The following KNG1 variants were observed in gnomAD, a reference collection of about 807,000 sequenced individuals.
KNG1 encodes kininogen-1.
In KNG1, 23 loss-of-function variants were observed where a neutral mutation model predicts 47.8. The ratio of observed to expected loss-of-function variants is 0.48; its 90% CI spans 0.35 to 0.68. The LOEUF (loss-of-function observed/expected upper bound fraction) is 0.68, where lower values mean the gene tolerates loss of function less well. KNG1 is among the 30% of genes least tolerant of loss of function. KNG1 has a pLI of 0.01. For synonymous variants in KNG1, 277 were observed against 277.0 expected, an observed-to-expected ratio of 1.00 and a Z score of 0.00; for missense variants, 762 against 790.2, an observed-to-expected ratio of 0.96 and a Z score of 0.43.
chr3:186,732,367 C>A, intron 6 of KNG1, 135 bp from the exon 7 acceptor site: 1 of 768,278 alleles, frequency 1.3e-6, no homozygotes, highest in Non-Finnish European at 2.3e-6. Context: ...GACAGACAAC[C>A]TTCCCCCACT....
intron 4 of KNG1, among the ~76,000 whole-genome samples, chr3:186,725,542 G>GCTTTTTTTTTTTTTTT (rs1560063426): frequency 4.0e-5 from 3 of 75,020 alleles, no homozygotes; most frequent in South Asian, 4.2e-4. Context: ...CCGGCCTTAG[G>GCTTTTTTTTTTTTTTT]ATTTTTTTTT....
At position 186,730,151 on chromosome 3, in the gene KNG1, TTG is replaced by T. The variant is rs1720474661; in HGVS notation, c.673-1392_673-1391del. ...ATATGGAATTCTCATTTTTGTTATTTTGTTTTTTTTTTCCTTATCCAAGAAAG... is the reference window on the plus strand; with the variant it reads ...ATATGGAATTCTCATTTTTGTTATTTTTTTTTTTTTCCTTATCCAAGAAAG... On this transcript the variant is annotated intron_variant, in intron 5 of 9. Coordinates refer to ENST00000644859, the MANE Select transcript of KNG1 (RefSeq NM_001102416.3). Among the ~76,000 whole-genome samples the T allele has an allele frequency of 5.6e-5, 7 of 124,340 alleles. No homozygotes were observed. The South Asian group carries it at 1.9e-3, about 35-fold the overall frequency. 81.6% of individuals were successfully genotyped at this position (124,340 alleles called of 152,430 possible). A position where few individuals can be genotyped will look rare whatever the true frequency, so the allele number is the denominator to read the frequency against.
At chr3:186,723,691 G>A (rs923469436) in intron 3 of KNG1, among the ~76,000 whole-genome samples, 5 of 150,704 alleles carry the variant, frequency 3.3e-5, no homozygotes, top group Admixed American at 3.3e-4. Context: ...GTCTCGCACT[G>A]TCGCCCAGGC....
At chr3:186,725,061 C>T (rs200328706) in intron 3 of KNG1, 27 bp from the exon 4 acceptor site, 469 of 1,612,872 alleles carry the variant, frequency 2.9e-4, no homozygotes, top group Non-Finnish European at 4.5e-5. Flanking sequence ...ATCATTAATG[C>T]TGTGTTTTTG....
intron 7 of KNG1, chr3:186,738,853 A>T: frequency 2.5e-6 from 1 of 402,886 alleles, no homozygotes; most frequent in Non-Finnish European, 4.6e-6. Flanking sequence ...TCTCAAAAAA[A>T]AAAAATAAAG....
intron 2 of KNG1, chr3:186,721,100 G>C (rs1296130695): frequency 1.3e-5 from 2 of 152,042 alleles, no homozygotes; most frequent in East Asian, 3.8e-4. Context: ...TGGTTGTTTT[G>C]CTTTAATTAA....
chr3:186,724,582 C>A (rs1463737994), intron 3 of KNG1, among the ~76,000 whole-genome samples: 1 of 152,038 alleles, frequency 6.6e-6, no homozygotes, highest in Non-Finnish European at 1.5e-5. Flanking sequence ...AGATCATTTG[C>A]CCACTTTTTA....
At chr3:186,730,668 AAAAAAAAAAAAAAAAATATATATATAT>A (rs1225610622) in intron 5 of KNG1, among the ~76,000 whole-genome samples, 9,642 of 72,210 alleles carry the variant, frequency 0.13, 288 homozygotes, top group African/African-American at 0.18. Flanking sequence ...AAAAAAAAAA[AAAAAAAAAAAAAAAAATATATATATAT>A]ATATATATAT....
chr3:186,742,958 G>A lies in KNG1; in HGVS notation c.*627G>A. The A allele has an allele frequency of 1.0e-6, 1 of 984,334 alleles. No individual in the cohort carries two copies. The highest frequency in any genetic ancestry group is 1.7e-5 in the African/African-American group (1 of 57,296). 61.0% of individuals were successfully genotyped at this position (984,334 alleles called of 1,614,324 possible). A position where few individuals can be genotyped will look rare whatever the true frequency, so the allele number is the denominator to read the frequency against. On this transcript the variant is annotated 3_prime_UTR_variant, in exon 10 of 10. Coordinates refer to ENST00000644859, the MANE Select transcript of KNG1 (RefSeq NM_001102416.3). Reference sequence around the variant, plus strand: ...AAAGTAACAAGAAAGAAGACAGGTTGGCCAAAGGGAGGAAAGGGGGGACAT... The same window carrying A: ...AAAGTAACAAGAAAGAAGACAGGTTAGCCAAAGGGAGGAAAGGGGGGACAT...
rs943529053 is a variant in KNG1, at chr3:186,739,394, A to C, written c.1105A>C (p.Asn369His). 1 of 1,610,908 alleles carries C rather than the reference A, an allele frequency of 6.2e-7. No homozygotes were observed. The highest frequency in any genetic ancestry group is 1.1e-5 in the South Asian group (1 of 91,020). The change falls in exon 9 of 10, where the codon AAC (asparagine) becomes CAC (histidine). Residue 369 changes from asparagine to histidine, a missense_variant. Transcript: ENST00000644859. ...GGAGAAAAAAATTTACCCTACTGTC[A>C]ACTGTCAACCACTGGGAATGGTATG... Reference protein sequence around the residue: ...PWEKKIYPTVNCQPLGMISLM... With the variant: ...PWEKKIYPTVHCQPLGMISLM...
rs200772002 is a variant in KNG1 at position 186,742,338 on chromosome 3, T to C, written c.*7T>C. ...CACTGATGGCCTTTCTTAATTTAAG[T>C]GGCTATGGGTATTTCTTTCATACTT... On this transcript the variant is annotated 3_prime_UTR_variant, in exon 10 of 10. Coordinates refer to ENST00000644859, the MANE Select transcript of KNG1 (RefSeq NM_001102416.3). 82 of 1,613,474 alleles carry C rather than the reference T, an allele frequency of 5.1e-5. No individual in the cohort carries two copies. In the East Asian group the frequency reaches 1.7e-3, roughly 33 times the overall value.
chr3:186,743,189 G>A lies in KNG1; in HGVS notation c.*858G>A, dbSNP rs1385017157. 1.2e-5 allele frequency: 2 copies of A among 163,392 alleles called. No individual in the cohort carries two copies. Among genetic ancestry groups the A allele is most frequent in the African/African-American group, 4.8e-5 (2 of 41,548 alleles). 10.1% of individuals were successfully genotyped at this position (163,392 alleles called of 1,614,324 possible). On this transcript the variant is annotated 3_prime_UTR_variant, in exon 10 of 10. Transcript: ENST00000644859. ...AATTCTTAGTTTACAGAAGCTCCGAGCTTAATGATAAGGATGAAAAGCAGA... is the reference window on the plus strand; with the variant it reads ...AATTCTTAGTTTACAGAAGCTCCGAACTTAATGATAAGGATGAAAAGCAGA...
intron 5 of KNG1, among the ~76,000 whole-genome samples, chr3:186,730,422 G>A (rs1720481852): frequency 6.6e-6 from 1 of 151,550 alleles, no homozygotes; most frequent in South Asian, 2.1e-4. Flanking sequence ...CCAGCATTTT[G>A]GTGGGTGGAT....
At chr3:186,737,978 A>T (rs904591300) in intron 7 of KNG1, among the ~76,000 whole-genome samples, 1 of 147,662 alleles carries the variant, frequency 6.8e-6, no homozygotes, top group Non-Finnish European at 1.5e-5. Context: ...GATTAAAATA[A>T]TTTTTTTTTC....
chr3:186,728,352 T>C (rs1232258083), intron 5 of KNG1: 1 of 152,206 alleles, frequency 6.6e-6, no homozygotes, highest in Non-Finnish European at 1.5e-5. Flanking sequence ...CATAAGATGT[T>C]AATGTCAGTT....
chr3:186,730,667 AAAAAAAAAAAAAAAAAATATATATATAT>A (rs1414773774), intron 5 of KNG1, among the ~76,000 whole-genome samples: 5,598 of 73,634 alleles, frequency 0.076, 154 homozygotes, highest in South Asian at 0.23. Context: ...AAAAAAAAAA[AAAAAAAAAAAAAAAAAATATATATATAT>A]ATATATATAT....
intron 7 of KNG1, among the ~76,000 whole-genome samples, chr3:186,737,966 G>A (rs1312363732): frequency 1.3e-5 from 2 of 151,110 alleles, no homozygotes; most frequent in Non-Finnish European, 3.0e-5. Context: ...ACTGTTGCTA[G>A]AGATTAAAAT....
chr3:186,738,714 T>C (rs1338536270), intron 7 of KNG1: 1 of 229,730 alleles, frequency 4.4e-6, no homozygotes, highest in Non-Finnish European at 8.5e-6. Flanking sequence ...GGCGTGGAGG[T>C]GGGCAACTGT....
intron 1 of KNG1, among the ~76,000 whole-genome samples, chr3:186,719,493 C>A (rs1246250085): frequency 2.0e-5 from 3 of 152,164 alleles, no homozygotes; most frequent in Non-Finnish European, 4.4e-5. Context: ...GTAATCCCAG[C>A]ACTTTGGGAG....
Sources: allele counts gnomAD v4.1 joint callset (sites outside exome capture counted in the v4.1 genomes callset), GRCh38; gene constraint gnomAD v4.1.1; transcripts MANE v1.5; gene names NCBI Gene and HGNC (gene_info 2026-07-23, HGNC 2026-07-21).